The following FSTL4 variants were observed in gnomAD, a reference collection of about 807,000 sequenced individuals.
FSTL4 encodes the protein follistatin-related protein 4.
Under a neutral mutation model 78.2 loss-of-function variants are expected in FSTL4, and 28 were observed. That is an observed-to-expected ratio of 0.36 (90% CI 0.27 to 0.49). The LOEUF is 0.49. FSTL4 is among the 20% of genes least tolerant of loss of function. FSTL4 has a pLI of 0.98. For synonymous variants in FSTL4, 422 were observed against 440.5 expected (o/e 0.96, Z 0.53); for missense variants, 922 against 1,084.9 (o/e 0.85, Z 2.11).
intron 6 of FSTL4, among the ~76,000 whole-genome samples, chr5:133,311,938 G>A (rs554896010): frequency 6.6e-6 from 1 of 152,268 alleles, no homozygotes; most frequent in African/African-American, 2.4e-5. Flanking sequence ...CCTCTCTGCT[G>A]ACCCCTGCCT....
intron 6 of FSTL4, among the ~76,000 whole-genome samples, chr5:133,280,745 T>A (rs975233869): frequency 2.0e-5 from 3 of 152,210 alleles, no homozygotes; most frequent in African/African-American, 4.8e-5. Context: ...CCTTCTGTGA[T>A]GGCCTCCCCT....
At chr5:133,722,710 GT>G in the FSTL4 span, among the ~76,000 whole-genome samples, 37 of 152,264 alleles carry the variant, frequency 2.4e-4, no homozygotes, top group African/African-American at 7.0e-4. Flanking sequence ...ACATCTGGTG[GT>G]ATAATCGGCT....
At chr5:133,624,781 G>C in the FSTL4 span, among the ~76,000 whole-genome samples, 1 of 150,970 alleles carries the variant, frequency 6.6e-6, no homozygotes. Context: ...GCTATTCTTG[G>C]TCTTTTATCT....
chr5:133,233,287 A>G (rs1384101781), intron 8 of FSTL4, 130 bp downstream of exon 8: 10 of 1,033,630 alleles, frequency 9.7e-6, no homozygotes, highest in East Asian at 2.4e-5. Context: ...CTTTACTTAT[A>G]AGAGAGATGA....
intron 3 of FSTL4, among the ~76,000 whole-genome samples, chr5:133,504,997 G>A (rs574427099): frequency 1.3e-5 from 2 of 152,208 alleles, no homozygotes; most frequent in Non-Finnish European, 2.9e-5. Context: ...TCTTTATGCA[G>A]AGATGCAGAA....
At chr5:133,496,030 T>C (rs1345459828) in intron 3 of FSTL4, among the ~76,000 whole-genome samples, 1 of 152,122 alleles carries the variant, frequency 6.6e-6, no homozygotes, top group Non-Finnish European at 1.5e-5. Flanking sequence ...GGAGGGCAGA[T>C]GTGTTGTGCT....
chr5:133,766,734 G>C, the FSTL4 span, among the ~76,000 whole-genome samples: 1 of 152,182 alleles, frequency 6.6e-6, no homozygotes, highest in African/African-American at 2.4e-5. Context: ...CCGAGTTCCA[G>C]GTTAGGCACT....
At chr5:133,387,348 G>A (rs1039101135) in intron 4 of FSTL4, among the ~76,000 whole-genome samples, 11 of 152,334 alleles carry the variant, frequency 7.2e-5, no homozygotes, top group Non-Finnish European at 1.5e-4. Context: ...ACTAGGAAAA[G>A]GAGTGCATGA....
chr5:133,629,721 G>A, the FSTL4 span, among the ~76,000 whole-genome samples: 1 of 152,176 alleles, frequency 6.6e-6, no homozygotes, highest in Non-Finnish European at 1.5e-5. Flanking sequence ...CAATATCCCT[G>A]ACGAACATCA....
intron 6 of FSTL4, among the ~76,000 whole-genome samples, chr5:133,260,560 A>G (rs963399265): frequency 6.6e-6 from 1 of 152,126 alleles, no homozygotes; most frequent in Non-Finnish European, 1.5e-5. Context: ...CTTTTTGTAG[A>G]GGAAACATTG....
At chr5:133,731,156 C>T in the FSTL4 span, among the ~76,000 whole-genome samples, 69 of 152,060 alleles carry the variant, frequency 4.5e-4, no homozygotes, top group East Asian at 9.1e-3. Context: ...TGCCTGATAT[C>T]GGGGCCGACA....
chr5:133,250,965 G>A (rs987162272), intron 6 of FSTL4, among the ~76,000 whole-genome samples: 2 of 152,216 alleles, frequency 1.3e-5, no homozygotes, highest in Non-Finnish European at 2.9e-5. Flanking sequence ...ATCACACACA[G>A]GAAAAATGTG....
intron 4 of FSTL4, among the ~76,000 whole-genome samples, chr5:133,330,324 A>G (rs60435864): frequency 0.029 from 4,403 of 152,322 alleles, 210 homozygotes; most frequent in African/African-American, 0.099. Flanking sequence ...CAGGCTGTAC[A>G]GGATGTATAG....
chr5:133,285,835 C>T (rs371737534), intron 6 of FSTL4, among the ~76,000 whole-genome samples: 3 of 152,238 alleles, frequency 2.0e-5, no homozygotes, highest in South Asian at 4.1e-4. Context: ...TCAGGATGGG[C>T]CTGCAGGCTA....
chr5:133,750,765 A>C, the FSTL4 span, among the ~76,000 whole-genome samples: 3 of 152,096 alleles, frequency 2.0e-5, no homozygotes, highest in South Asian at 6.2e-4. Context: ...GGTGGGCCTC[A>C]ATAATGGTCA....
intron 6 of FSTL4, among the ~76,000 whole-genome samples, chr5:133,302,221 T>C (rs1706941658): frequency 6.6e-6 from 1 of 152,066 alleles, no homozygotes. Context: ...CATATGGCCG[T>C]TACATGTGCC....
chr5:133,230,968 T>C (rs1411258205), intron 8 of FSTL4, among the ~76,000 whole-genome samples: 2 of 152,052 alleles, frequency 1.3e-5, no homozygotes, highest in Non-Finnish European at 2.9e-5. Flanking sequence ...GGCGGCCCCT[T>C]CTCTTGGTAC....
chr5:133,345,402 G>C (rs1008521034), intron 4 of FSTL4, among the ~76,000 whole-genome samples: 4 of 152,082 alleles, frequency 2.6e-5, no homozygotes, highest in African/African-American at 9.7e-5. Context: ...AGTTTCTTTT[G>C]CTGTGCAGAA....
intron 3 of FSTL4, among the ~76,000 whole-genome samples, chr5:133,561,203 G>A (rs1759906849): frequency 6.6e-6 from 1 of 151,828 alleles, no homozygotes; most frequent in South Asian, 2.1e-4. Context: ...CTTGGAGACA[G>A]AAGAATGAAC....
Sources: allele counts gnomAD v4.1 joint callset (sites outside exome capture counted in the v4.1 genomes callset), GRCh38; gene constraint gnomAD v4.1.1; transcripts MANE v1.5; gene names NCBI Gene and HGNC (gene_info 2026-07-23, HGNC 2026-07-21).